TENM2: variants seen among roughly 807,000 people sequenced by gnomAD.
TENM2 encodes teneurin transmembrane protein 2.
Under a neutral mutation model 245.2 loss-of-function variants are expected in TENM2, and 52 were observed. The ratio of observed to expected loss-of-function variants is 0.21; its 90% CI spans 0.17 to 0.27. TENM2 has a LOEUF of 0.27. Ranked by LOEUF, TENM2 falls within the 10% of genes least tolerant of loss-of-function variation. TENM2 has a pLI of 1.00. For missense variants in TENM2, 3,046 were observed against 3,666.8 expected (o/e 0.83, Z 4.37); for synonymous variants, 1,363 against 1,438.9 (o/e 0.95, Z 1.19).
intron 2 of TENM2, among the ~76,000 whole-genome samples, chr5:167,818,015 C>T (rs755978768): frequency 7.2e-5 from 11 of 152,142 alleles, no homozygotes; most frequent in Non-Finnish European, 1.3e-4. Flanking sequence ...CTAGAGGGTG[C>T]GGCTCATGGT....
intron 2 of TENM2, among the ~76,000 whole-genome samples, chr5:167,707,207 C>G (rs917512898): frequency 6.6e-6 from 1 of 151,856 alleles, no homozygotes; most frequent in South Asian, 2.1e-4. Flanking sequence ...ATTTGTATGT[C>G]TTCTTTGGAG....
chr5:167,237,243 G>A, the TENM2 span, among the ~76,000 whole-genome samples: 17 of 152,228 alleles, frequency 1.1e-4, no homozygotes, highest in African/African-American at 4.1e-4. Flanking sequence ...ACACATGGTA[G>A]GCCCTCAATG....
upstream of TENM2, among the ~76,000 whole-genome samples, chr5:167,284,559 T>C: frequency 6.6e-6 from 1 of 152,172 alleles, no homozygotes; most frequent in South Asian, 2.1e-4. Flanking sequence ...ATCTATTAAA[T>C]TAAACAGCAA....
the TENM2 span, among the ~76,000 whole-genome samples, chr5:167,084,327 TTATATATATATATA>T: frequency 0.024 from 548 of 23,184 alleles, 51 homozygotes; most frequent in South Asian, 0.035. Context: ...GCCATTTTAG[TTATATATATATATA>T]TATATATATA....
chr5:167,108,126 T>G, the TENM2 span, among the ~76,000 whole-genome samples: 4 of 152,126 alleles, frequency 2.6e-5, no homozygotes, highest in African/African-American at 7.2e-5. Flanking sequence ...GAGTATTTTG[T>G]TTTTGTTTTG....
chr5:167,872,468 AAGAAAGAAAG>A (rs1772966471), intron 2 of TENM2, among the ~76,000 whole-genome samples: 2 of 119,632 alleles, frequency 1.7e-5, no homozygotes, highest in Admixed American at 2.0e-4. Flanking sequence ...GCACGAAAGA[AAGAAAGAAAG>A]AAAGAAAAAG....
intron 21 of TENM2, among the ~76,000 whole-genome samples, chr5:168,215,545 T>C (rs1009305134): frequency 5.3e-5 from 8 of 152,022 alleles, no homozygotes; most frequent in Non-Finnish European, 1.5e-5. Flanking sequence ...GGTGGGCGCC[T>C]GTAGTCCCAG....
At position 167,872,317 on chromosome 5, in the gene TENM2, AGAAAG is replaced by A. The variant is rs1332932754; in HGVS notation, c.503-3668_503-3664del. ...AAGATAGAAAGAAAGAAAGAAAGAA[AGAAAG>A]AAAGAAAGAAAGAAAGAAAGAAAGA... On this transcript the variant is annotated intron_variant, in intron 2 of 28. Coordinates refer to ENST00000518659, the Ensembl canonical transcript of TENM2. 6.0e-5 allele frequency among the ~76,000 whole-genome samples: 3 copies of A among 50,066 alleles called. No individual in the cohort carries two copies. In the East Asian group the frequency reaches 6.4e-4, roughly 11 times the overall value. 32.8% of individuals were successfully genotyped at this position (50,066 alleles called of 152,430 possible).
chr5:167,565,183 G>C (rs1336719375), intron 2 of TENM2, among the ~76,000 whole-genome samples: 1 of 152,234 alleles, frequency 6.6e-6, no homozygotes, highest in African/African-American at 2.4e-5. Flanking sequence ...GTAGGACAAG[G>C]CTATTAAGCT....
intron 2 of TENM2, among the ~76,000 whole-genome samples, chr5:167,466,190 C>T (rs1038082077): frequency 6.6e-6 from 1 of 152,148 alleles, no homozygotes; most frequent in Non-Finnish European, 1.5e-5. Flanking sequence ...CTGAAAGGTC[C>T]TAAGGATAGT....
intron 1 of TENM2, among the ~76,000 whole-genome samples, chr5:167,337,778 G>A: frequency 6.6e-6 from 1 of 152,190 alleles, no homozygotes; most frequent in East Asian, 1.9e-4. Flanking sequence ...TATGACAAAG[G>A]AGGCTAAGTG....
chr5:167,435,965 CTTTTTTTTTCTTT>C (rs1159551436), intron 2 of TENM2, among the ~76,000 whole-genome samples: 2 of 125,964 alleles, frequency 1.6e-5, no homozygotes, highest in African/African-American at 3.1e-5. Flanking sequence ...ATTTCTTTTT[CTTTTTTTTTCTTT>C]TTTTTTTTTT....
At chr5:167,349,321 T>C (rs1025762348) in intron 1 of TENM2, among the ~76,000 whole-genome samples, 1 of 152,186 alleles carries the variant, frequency 6.6e-6, no homozygotes, top group Non-Finnish European at 1.5e-5. Flanking sequence ...TTATTATCCT[T>C]ATTTTATAAA....
At chr5:167,009,399 T>C in the TENM2 span, among the ~76,000 whole-genome samples, 1 of 152,316 alleles carries the variant, frequency 6.6e-6, no homozygotes, top group African/African-American at 2.4e-5. Flanking sequence ...TAATTACAAG[T>C]ATAAAAATAT....
chr5:168,004,875 A>G (rs1784704572), intron 5 of TENM2, among the ~76,000 whole-genome samples: 2 of 152,048 alleles, frequency 1.3e-5, no homozygotes, highest in South Asian at 4.2e-4. Flanking sequence ...TAATAAAGTT[A>G]ATTTCATTTT....
chr5:167,809,422 C>T lies in TENM2; in HGVS notation c.503-66564C>T, dbSNP rs545552996. Among the ~76,000 whole-genome samples the T allele has an allele frequency of 1.1e-4, 16 of 152,218 alleles. 1 individual carries two copies. In the South Asian group the frequency reaches 3.3e-3, roughly 32 times the overall value. On this transcript the variant is annotated intron_variant, in intron 2 of 28. Transcript: ENST00000518659. ...TGGCTCTCATTATTTCAGCAGATCA[C>T]ATAAGCCATGCTGCAGGAGAGCAGG... is the stretch of plus-strand genomic sequence containing the variant.
chr5:168,187,720 A>G (rs1438786436), intron 13 of TENM2: 1 of 152,292 alleles, frequency 6.6e-6, no homozygotes, highest in Non-Finnish European at 1.5e-5. Context: ...TATGCTGCCA[A>G]TGGTCCTCCA....
At chr5:167,415,711 A>G (rs947862779) in intron 2 of TENM2, among the ~76,000 whole-genome samples, 11 of 152,076 alleles carry the variant, frequency 7.2e-5, no homozygotes, top group Non-Finnish European at 1.3e-4. Flanking sequence ...CTATGGTTGA[A>G]GTTTTTCAAC....
intron 2 of TENM2, among the ~76,000 whole-genome samples, chr5:167,485,828 A>C (rs751016022): frequency 6.6e-6 from 1 of 152,188 alleles, no homozygotes; most frequent in Non-Finnish European, 1.5e-5. Flanking sequence ...CTGAATCAAG[A>C]TGCTGTTCTG....
Sources: gnomAD v4.1 joint callset for allele counts (sites outside exome capture counted in the v4.1 genomes callset) on GRCh38, gnomAD v4.1.1 for gene constraint, MANE v1.5 for transcripts, NCBI Gene and HGNC (gene_info 2026-07-23, HGNC 2026-07-21) for gene names.